The following NEIL1 variants were observed in gnomAD, a reference collection of about 807,000 sequenced individuals.
NEIL1 encodes the protein nei like DNA glycosylase 1, also known as endonuclease 8-like 1.
A neutral mutation model predicts 44.2 loss-of-function variants in NEIL1; 31 were observed. The ratio of observed to expected loss-of-function variants is 0.70; its 90% CI spans 0.53 to 0.95. NEIL1 has a LOEUF of 0.95. Ranked by LOEUF, NEIL1 falls within the 40% of genes least tolerant of loss-of-function variation. NEIL1 has a pLI of 0.00. For synonymous variants in NEIL1, 254 were observed against 209.7 expected (o/e 1.21, Z -1.83); for missense variants, 549 against 515.5 (o/e 1.07, Z -0.63).
Position 75,349,084 on chromosome 15 carries a change from T to G in NEIL1, c.179T>G (p.Leu60Arg), listed in dbSNP as rs1181165367. 3.1e-6 allele frequency: 5 copies of G among 1,612,772 alleles called. No individual in the cohort carries two copies. The highest frequency in any genetic ancestry group is 4.2e-6 in the Non-Finnish European group (5 of 1,179,966). The change falls in exon 2 of 10, where the codon CTG becomes CGG. Residue 60 changes from leucine to arginine, a missense_variant. Transcript: ENST00000355059. ...SARGKELRLI[L>R]SPLPGAQPQQ... ...CGCGGCAAGGAGCTGCGCCTGATAC[T>G]GAGCCCTCTGCCTGGGGCCCAGCCC...
In NEIL1 at chr15:75,354,693, G is replaced by C. The variant is rs755604770; in HGVS notation, c.977G>C (p.Arg326Thr). ...AGCAAGGCCCCTTCCAGGACACGAA[G>C]GGCAAAGAGAGACCTTCCTAAGAGG... ...PPSKAPSRTR[R>T]AKRDLPKRTA... is the part of the protein sequence containing the mutation. The change falls in exon 9 of 10, where the codon AGG becomes ACG. Residue 326 changes from arginine to threonine, a missense_variant. By Grantham distance (71) the Arg-to-Thr change is moderately conservative. Coordinates refer to ENST00000355059, the MANE Select transcript of NEIL1 (RefSeq NM_024608.4). The C allele has an allele frequency of 5.0e-6, 8 of 1,614,188 alleles. No individual in the cohort carries two copies. Among genetic ancestry groups the C allele is most frequent in the Non-Finnish European group, 5.9e-6 (7 of 1,180,026 alleles).
rs756483584 is a variant in NEIL1, at chr15:75,352,132, A to G, written c.456A>G (p.Leu152=). Residue 152 remains leucine, a synonymous_variant, in exon 3 of 10, where the codon CTA becomes CTG. Transcript: ENST00000355059. ...QQFRENVLRN[L]ADKAFDRPIC... ...CCAGGGAGAATGTGCTACGAAACCT[A>G]GCGGATAAGGCCTTTGACCGGCCCA... The G allele has an allele frequency of 6.2e-7, 1 of 1,614,058 alleles. No homozygotes were observed. The highest frequency in any genetic ancestry group is 8.5e-7 in the Non-Finnish European group (1 of 1,180,034).
chr15:75,356,806 G>T lies in NEIL1; in HGVS notation c.*1772G>T. 1 of 1,614,098 alleles carries T rather than the reference G, an allele frequency of 6.2e-7. No homozygotes were observed. Among genetic ancestry groups the T allele is most frequent in the Non-Finnish European group, 8.5e-7 (1 of 1,180,028 alleles). ...TACCCCACTTACAGCGAGAGGCTGA[G>T]GATGCTGCCTCGCACTGACGCGCCA... On this transcript the variant is annotated 3_prime_UTR_variant, in exon 10 of 10. Transcript: ENST00000355059. This position sits in a 1 kb window ranked among gnomAD's most constrained non-coding sequence, Gnocchi z 5.8.
At position 75,351,979 on chromosome 15, in the gene NEIL1, G is replaced by A. The variant is rs2071930330; in HGVS notation, c.435-132G>A. 6 of 782,060 alleles carry A rather than the reference G, an allele frequency of 7.7e-6. No homozygotes were observed. In the South Asian group the frequency reaches 9.8e-5, roughly 13 times the overall value. 48.4% of individuals were successfully genotyped at this position (782,060 alleles called of 1,614,324 possible). ...TTCCCATTTAACAGATAGGAAAACG[G>A]GGGCAGGGAGAAGAGGAACTGTAAC... On this transcript the variant is annotated intron_variant, in intron 2 of 9. Coordinates refer to ENST00000355059, the MANE Select transcript of NEIL1 (RefSeq NM_024608.4).
At chr15:75,353,471 C>T in intron 5 of NEIL1, 1 of 483,872 alleles carries the variant, frequency 2.1e-6, no homozygotes, top group Admixed American at 2.6e-5. Flanking sequence ...AGGGATTCTC[C>T]CATCTAAGCT....
At position 75,356,598 on chromosome 15, in the gene NEIL1, G is replaced by T. The variant is rs370645935; in HGVS notation, c.*1564G>T. On this transcript the variant is annotated 3_prime_UTR_variant, in exon 10 of 10. Transcript: ENST00000355059. The surrounding 1 kb of genome is among the most constrained non-coding windows in gnomAD (Gnocchi z 5.8). ...CTGCAGGAAGGCCCCACCGTCCCCA[G>T]CACTCACCCTTGTGCGGCATCAGTG... is the stretch of plus-strand genomic sequence containing the variant. The T allele has an allele frequency of 2.1e-4, 326 of 1,556,892 alleles. 5 individuals are homozygous for T. The South Asian group carries it at 3.5e-3, about 17-fold the overall frequency.
At position 75,348,924 on chromosome 15, in the gene NEIL1, C is replaced by CTGCA. The variant is rs1265448791; in HGVS notation, c.20_23dup (p.Leu9AlafsTer9). On this transcript the variant is annotated frameshift_variant, in exon 2 of 10. Transcript: ENST00000355059. LOFTEE classifies it high-confidence loss of function. ...CCTCAGGATGCCTGAGGGCCCCGAG[C>CTGCA]TGCACCTGGCCAGCCAGTTTGTGAA... 1.9e-6 allele frequency: 3 copies of CTGCA among 1,612,166 alleles called. No individual in the cohort carries two copies. Among genetic ancestry groups the CTGCA allele is most frequent in the Non-Finnish European group, 2.5e-6 (3 of 1,179,962 alleles).
intron 1 of NEIL1, 153 bp downstream of exon 1, chr15:75,347,626 TG>T: frequency 5.1e-6 from 1 of 195,348 alleles, no homozygotes; most frequent in Non-Finnish European, 9.6e-6. Context: ...AACCCTTTAG[TG>T]GCTGCAGTGG....
intron 2 of NEIL1, among the ~76,000 whole-genome samples, chr15:75,350,699 C>T (rs970838742): frequency 6.6e-6 from 1 of 152,180 alleles, no homozygotes; most frequent in Non-Finnish European, 1.5e-5. Context: ...CCCAGGGAAA[C>T]ATCTGTCTTT....
chr15:75,352,195 C>T lies in NEIL1; in HGVS notation c.519C>T (p.Gly173=). The change falls in exon 3 of 10, where the codon GGC becomes GGT. Residue 173 remains glycine (G), a synonymous_variant. Transcript: ENST00000355059. ...TCCTGGACCAGAGGTTCTTCAATGG[C>T]ATTGGCAACTATCTGCGGGCAGAGA... is the stretch of plus-strand genomic sequence containing the variant. The part of the protein sequence containing the change: ...EALLDQRFFN[G]IGNYLRAEIL... 1 of 1,614,228 alleles carries T rather than the reference C, an allele frequency of 6.2e-7. No homozygotes were observed. The highest frequency in any genetic ancestry group is 1.3e-5 in the African/African-American group (1 of 75,058).
Position 75,352,087 on chromosome 15 carries a change from C to T in NEIL1, c.435-24C>T, listed in dbSNP as rs375089211. ...CCATGGAGGGTGGGGATGGGTCTTA[C>T]GCACCCAGACCGTGTTCCTCCAGGG... On this transcript the variant is annotated intron_variant, in intron 2 of 9. Coordinates refer to ENST00000355059, the MANE Select transcript of NEIL1 (RefSeq NM_024608.4). The T allele has an allele frequency of 4.2e-5, 68 of 1,612,940 alleles. No individual in the cohort carries two copies. In the South Asian group the frequency reaches 5.2e-4, roughly 12 times the overall value.
chr15:75,353,808 A>G lies in NEIL1; in HGVS notation c.788A>G (p.Tyr263Cys). Residue 263 changes from tyrosine (Y) to cysteine (C), a missense_variant, in exon 6 of 10, where the codon TAT becomes TGT. Coordinates refer to ENST00000355059, the MANE Select transcript of NEIL1 (RefSeq NM_024608.4). ...FAAFRAWLRC[Y>C]GMPGMSSLQD... ...GCCTTTCGAGCCTGGCTGCGCTGCT[A>G]TGGCATGCCAGGCATGAGCTCCCTG... 6.2e-7 allele frequency: 1 copy of G among 1,613,816 alleles called. No individual in the cohort carries two copies. Among genetic ancestry groups the G allele is most frequent in the Non-Finnish European group, 8.5e-7 (1 of 1,179,940 alleles).
intron 2 of NEIL1, 121 bp downstream of exon 2, chr15:75,349,460 C>A: frequency 3.2e-6 from 3 of 932,330 alleles, no homozygotes; most frequent in Non-Finnish European, 3.2e-6. Flanking sequence ...CTCTCATCTG[C>A]AGATCAAGAC....
chr15:75,351,819 A>G (rs572250397), intron 2 of NEIL1: 7 of 340,702 alleles, frequency 2.1e-5, no homozygotes, highest in South Asian at 1.8e-4. Context: ...ACAGGGTTTC[A>G]CCATGTTGGC....
chr15:75,356,535 G>A lies in NEIL1; in HGVS notation c.*1501G>A. The A allele has an allele frequency of 6.4e-7, 1 of 1,551,512 alleles. No individual in the cohort carries two copies. Among genetic ancestry groups the A allele is most frequent in the Non-Finnish European group, 8.7e-7 (1 of 1,146,076 alleles). ...GAAGGGGCAGGAAGCCAGGTTGCTG[G>A]GGTTTGGGCTCAGGGAAGGGCAGAG... On this transcript the variant is annotated 3_prime_UTR_variant, in exon 10 of 10. Transcript: ENST00000355059. This position sits in a 1 kb window ranked among gnomAD's most constrained non-coding sequence, Gnocchi z 5.8.
chr15:75,348,374 A>ATCTC, intron 1 of NEIL1: 1 of 933,470 alleles, frequency 1.1e-6, no homozygotes. Flanking sequence ...GTGTGGGGGG[A>ATCTC]GGGGGGCGCA....
At position 75,354,821 on chromosome 15, in the gene NEIL1, G is replaced by T. The variant is rs781117832; in HGVS notation, c.1102+3G>T. The T allele has an allele frequency of 5.6e-6, 9 of 1,613,960 alleles. No homozygotes were observed. In the South Asian group the frequency reaches 9.9e-5, roughly 18 times the overall value. On this transcript the variant is annotated splice_donor_region_variant and intron_variant, in intron 9 of 9. Transcript: ENST00000355059. ...GAAGGGGCGACAGGCAGCCTCTGGT[G>T]GGCTTTCCTCATCACTCCCAGAAAC...
chr15:75,351,892 G>C, intron 2 of NEIL1: 1 of 495,914 alleles, frequency 2.0e-6, no homozygotes, highest in Non-Finnish European at 3.7e-6. Flanking sequence ...AAAGTGCTGA[G>C]ATTACAGGCA....
chr15:75,354,065 A>G (rs886958513), intron 6 of NEIL1, 185 bp from the exon 7 acceptor site: 17 of 1,017,826 alleles, frequency 1.7e-5, no homozygotes, highest in African/African-American at 4.8e-5. Context: ...AGGTAGCCCA[A>G]GTGAAAGTAG....
Sources: gnomAD v4.1 joint callset for allele counts (sites outside exome capture counted in the v4.1 genomes callset) on GRCh38, gnomAD v4.1.1 for gene constraint, Gnocchi (gnomAD v3.1) non-coding constraint, MANE v1.5 for transcripts, NCBI Gene and HGNC (gene_info 2026-07-23, HGNC 2026-07-21) for gene names.